PSMC1: variants seen among roughly 807,000 people sequenced by gnomAD.
The protein encoded by PSMC1 is 26S proteasome regulatory subunit 4.
Under a neutral mutation model 49.8 loss-of-function variants are expected in PSMC1, and 5 were observed. The ratio of observed to expected loss-of-function variants is 0.10; its 90% CI spans 0.05 to 0.21. The LOEUF (loss-of-function observed/expected upper bound fraction) is 0.21. Among genes scored for constraint, PSMC1 ranks in the 10% least tolerant of loss-of-function variants. The probability of loss-of-function intolerance (pLI) is 1.00; values close to 1 mark genes in which losing one functional copy is unlikely to be tolerated. For missense variants in PSMC1, 181 were observed against 535.7 expected (o/e 0.34, Z 6.54); for synonymous variants, 155 against 192.1 (o/e 0.81, Z 1.60).
chr14:90,263,223 C>A, intron 3 of PSMC1, 95 bp from the exon 4 acceptor site: 1 of 1,334,614 alleles, frequency 7.5e-7, no homozygotes, highest in South Asian at 1.4e-5. Context: ...AAGCTATCGC[C>A]AACAAAAATG....
At position 90,272,574 on chromosome 14, in the gene PSMC1, T is replaced by C. The variant is rs1891698071; in HGVS notation, c.*167T>C. On this transcript the variant is annotated 3_prime_UTR_variant, in exon 11 of 11. Transcript: ENST00000261303. This position sits in a 1 kb window ranked among gnomAD's most constrained non-coding sequence, Gnocchi z 4.5. ...TGTAAGTGCCCATTGGGTGGCCTGT[T>C]GGTCACTGTGCAGCAGTCTGCTTCC... The C allele has an allele frequency of 8.8e-6, 5 of 568,856 alleles. No individual in the cohort carries two copies. The highest frequency in any genetic ancestry group is 1.6e-5 in the Non-Finnish European group (5 of 315,492). 35.2% of individuals were successfully genotyped at this position (568,856 alleles called of 1,614,324 possible). A position where few individuals can be genotyped will look rare whatever the true frequency, so the allele number is the denominator to read the frequency against.
chr14:90,264,507 C>T (rs2149657), intron 6 of PSMC1, among the ~76,000 whole-genome samples: 145,398 of 152,328 alleles, frequency 0.95, 69,725 homozygotes, highest in East Asian at 1. Flanking sequence ...AGCATGTGTA[C>T]TTGCACACAT....
chr14:90,269,895 GT>G (rs1891618151), intron 9 of PSMC1: 1 of 377,766 alleles, frequency 2.6e-6, no homozygotes, highest in Admixed American at 4.2e-5. Flanking sequence ...ACAGTGATTT[GT>G]TTGCTGTCTT....
At chr14:90,268,203 T>TA in intron 7 of PSMC1, 21 bp from the exon 8 acceptor site, 3 of 1,543,446 alleles carry the variant, frequency 1.9e-6, no homozygotes, top group East Asian at 2.3e-5. Flanking sequence ...TTTTTTTTTT[T>TA]ATCTTTTTCA....
At chr14:90,270,071 G>C (rs1459184787) in intron 9 of PSMC1, 127 bp from the exon 10 acceptor site, 1 of 959,002 alleles carries the variant, frequency 1.0e-6, no homozygotes, top group Non-Finnish European at 1.5e-6. Context: ...TTAAAATTTA[G>C]ACATCCTTCC....
At chr14:90,269,618 A>G in intron 9 of PSMC1, 70 bp downstream of exon 9, 1 of 1,527,718 alleles carries the variant, frequency 6.5e-7, no homozygotes. Context: ...GTGCTTTGGG[A>G]GGCCTATAAA....
rs1891756878 is a variant in PSMC1, at chr14:90,274,742, C to G, written c.*2335C>G. On this transcript the variant is annotated 3_prime_UTR_variant, in exon 11 of 11. Transcript: ENST00000261303. ...GGGACAATCTGAGCATCCTAACAAACAGTTACTATTAATGGAATACAGTAT... is the reference window on the plus strand; with the variant it reads ...GGGACAATCTGAGCATCCTAACAAAGAGTTACTATTAATGGAATACAGTAT... 6.6e-6 allele frequency: 1 copy of G among 150,706 alleles called. No homozygotes were observed. The highest frequency in any genetic ancestry group is 2.0e-4 in the East Asian group (1 of 5,006). The allele number at this position is 150,706 out of a possible 1,614,324, so 9.3% of individuals were successfully genotyped here.
At position 90,259,151 on chromosome 14, in the gene PSMC1, C is replaced by G. The variant is rs770041617; in HGVS notation, c.4-9C>G. 1 of 1,613,114 alleles carries G rather than the reference C, an allele frequency of 6.2e-7. No homozygotes were observed. ...GAATTTACATCTGTGCCTGATTTTTCTCCTCCAGGGTCAAAGTCAGAGTGG... is the reference window on the plus strand; with the variant it reads ...GAATTTACATCTGTGCCTGATTTTTGTCCTCCAGGGTCAAAGTCAGAGTGG... On this transcript the variant is annotated splice_polypyrimidine_tract_variant and intron_variant, in intron 1 of 10. Coordinates refer to ENST00000261303, the MANE Select transcript of PSMC1 (RefSeq NM_002802.3).
At position 90,256,606 on chromosome 14, in the gene PSMC1, T is replaced by A; in HGVS notation, c.3+6T>A. On this transcript the variant is annotated splice_donor_region_variant and intron_variant, in intron 1 of 10. Coordinates refer to ENST00000261303, the MANE Select transcript of PSMC1 (RefSeq NM_002802.3). ...CAAGTGGCCAAGGCAAGATGGTGAG[T>A]GACTAAGGGTTTCTTTCCGCTGGTC... is the stretch of plus-strand genomic sequence containing the variant. 1.3e-6 allele frequency: 2 copies of A among 1,589,584 alleles called. No individual in the cohort carries two copies. The highest frequency in any genetic ancestry group is 1.7e-4 in the Middle Eastern group (1 of 6,030).
chr14:90,275,252 A>G lies in PSMC1; in HGVS notation c.*2845A>G, dbSNP rs1270907969. The G allele has an allele frequency of 6.6e-6, 1 of 152,148 alleles. No homozygotes were observed. Among genetic ancestry groups the G allele is most frequent in the Non-Finnish European group, 1.5e-5 (1 of 68,032 alleles). 9.4% of individuals were successfully genotyped at this position (152,148 alleles called of 1,614,324 possible). A position where few individuals can be genotyped will look rare whatever the true frequency, so the allele number is the denominator to read the frequency against. Reference sequence around the variant, plus strand: ...CTGGATCCTTTTCCTAGAGGACATGACTGGGCCTGAGGACCTGCTAGGAGT... The same window carrying G: ...CTGGATCCTTTTCCTAGAGGACATGGCTGGGCCTGAGGACCTGCTAGGAGT... On this transcript the variant is annotated 3_prime_UTR_variant, in exon 11 of 11. Transcript: ENST00000261303.
At chr14:90,268,505 A>ATGGCACAGCAAGAACTG in intron 8 of PSMC1, 92 bp downstream of exon 8, 1 of 1,277,302 alleles carries the variant, frequency 7.8e-7, no homozygotes, top group Non-Finnish European at 1.1e-6. Context: ...GGCTCTCCCT[A>ATGGCACAGCAAGAACTG]TGGCCACAGT....
Position 90,265,176 on chromosome 14 carries a change from GT to G in PSMC1, c.691+15del. 2 of 1,589,812 alleles carry G rather than the reference GT, an allele frequency of 1.3e-6. No homozygotes were observed. The highest frequency in any genetic ancestry group is 8.6e-7 in the Non-Finnish European group (1 of 1,161,998). ...GGTCCACCTGGCACAGGTATGCTCT[GT>G]TTTTGACACTTTCCAGGCACCCAGC... On this transcript the variant is annotated intron_variant, in intron 7 of 10. Coordinates refer to ENST00000261303, the MANE Select transcript of PSMC1 (RefSeq NM_002802.3).
At chr14:90,259,450 A>G (rs1891354318) in intron 2 of PSMC1, among the ~76,000 whole-genome samples, 1 of 152,230 alleles carries the variant, frequency 6.6e-6, no homozygotes, top group Non-Finnish European at 1.5e-5. Flanking sequence ...CAATGACATT[A>G]TAGAAGTATT....
chr14:90,268,262 T>C lies in PSMC1; in HGVS notation c.730T>C (p.Ser244Pro). ...LLAKAVANQT[S>P]ATFLRVVGSE... ...AGCCAAAGCAGTAGCAAACCAAACC[T>C]CAGCCACTTTCTTGAGAGTGGTTGG... Residue 244 changes from serine to proline, a missense_variant, in exon 8 of 11, where the codon TCA (serine) becomes CCA (proline). Physicochemically the swap from Ser to Pro is moderately conservative, Grantham distance 74. Around this residue, in one of 3 missense-constraint regions of PSMC1, gnomAD observed 121 missense variants for 358.6 expected, o/e 0.34. Coordinates refer to ENST00000261303, the MANE Select transcript of PSMC1 (RefSeq NM_002802.3). 6.2e-7 allele frequency: 1 copy of C among 1,605,018 alleles called. No individual in the cohort carries two copies. Among genetic ancestry groups the C allele is most frequent in the East Asian group, 2.2e-5 (1 of 44,748 alleles).
At chr14:90,262,005 T>C (rs1323552747) in intron 3 of PSMC1, among the ~76,000 whole-genome samples, 1 of 151,798 alleles carries the variant, frequency 6.6e-6, no homozygotes, top group Admixed American at 6.6e-5. Context: ...TGTAGGGACA[T>C]GGATGAAGCT....
At chr14:90,270,570 G>A (rs982800327) in intron 10 of PSMC1, 12 of 495,866 alleles carry the variant, frequency 2.4e-5, no homozygotes, top group Admixed American at 3.9e-5. Flanking sequence ...AAATCACCTG[G>A]AGCCACAAGG....
intron 1 of PSMC1, among the ~76,000 whole-genome samples, chr14:90,257,611 T>TC (rs1398933684): frequency 6.6e-6 from 1 of 152,190 alleles, no homozygotes; most frequent in African/African-American, 2.4e-5. Flanking sequence ...ATTTTAATTT[T>TC]AATTTTTATT....
intron 2 of PSMC1, among the ~76,000 whole-genome samples, chr14:90,259,697 C>T (rs549287762): frequency 6.6e-6 from 1 of 152,320 alleles, no homozygotes; most frequent in East Asian, 1.9e-4. Context: ...TCTCGGCTCA[C>T]TGCAACCTCC....
chr14:90,263,672 CA>C lies in PSMC1; in HGVS notation c.294del (p.Val99TrpfsTer4), dbSNP rs1006442501. 1 of 1,612,886 alleles carries C rather than the reference CA, an allele frequency of 6.2e-7. No individual in the cohort carries two copies. Among genetic ancestry groups the C allele is most frequent in the Non-Finnish European group, 8.5e-7 (1 of 1,179,432 alleles). ...CATTTTCATATGTAGGAGGAAAGAT[CA>C]AAAGTGGATGATCTGAGGGGGACCC... ...PLEEKQEEER[S>X]KVDDLRGTPM... On this transcript the variant is annotated frameshift_variant, in exon 5 of 11. Transcript: ENST00000261303. LOFTEE classifies it high-confidence loss of function.
Sources: allele counts gnomAD v4.1 joint callset (sites outside exome capture counted in the v4.1 genomes callset), GRCh38; gene constraint gnomAD v4.1.1; regional missense constraint gnomAD v4.1.1; non-coding constraint Gnocchi (gnomAD v3.1); transcripts MANE v1.5; gene names NCBI Gene and HGNC (gene_info 2026-07-23, HGNC 2026-07-21).